The following SLAMF9 variants were observed in gnomAD, a reference collection of about 807,000 sequenced individuals.
SLAMF9 encodes SLAM family member 9, also known as CD2 family member 10.
In SLAMF9, 25 loss-of-function variants were observed where a neutral mutation model predicts 30.4. That is an observed-to-expected ratio of 0.82 (90% CI 0.60 to 1.15). The LOEUF (loss-of-function observed/expected upper bound fraction) is 1.15, where lower values mean the gene tolerates loss of function less well. SLAMF9 is among the 50% of genes most tolerant of loss of function. The pLI, the probability that SLAMF9 is intolerant of heterozygous loss-of-function variation, is 0.00. For synonymous variants in SLAMF9, 129 were observed against 127.2 expected (o/e 1.01, Z -0.09); for missense variants, 344 against 346.1 (o/e 0.99, Z 0.05).
At chr1:159,957,207 G>A (rs1445928113), upstream of SLAMF9, among the ~76,000 whole-genome samples, 1 of 151,800 alleles carries the variant, frequency 6.6e-6, no homozygotes, top group Non-Finnish European at 1.5e-5. Context: ...CTGTGGGAGG[G>A]GTGGGGATTG....
chr1:159,974,177 C>T, the SLAMF9 span: 2 of 741,174 alleles, frequency 2.7e-6, no homozygotes, highest in South Asian at 3.5e-5. Flanking sequence ...TTGGATGGTA[C>T]CGGTGCAGTG....
Position 159,951,765 on chromosome 1 carries a change from C to T in SLAMF9, c.766G>A (p.Val256Ile). 6.2e-7 allele frequency: 1 copy of T among 1,614,036 alleles called. No homozygotes were observed. The highest frequency in any genetic ancestry group is 8.5e-7 in the Non-Finnish European group (1 of 1,179,956). The change falls in exon 4 of 4, where the codon GTC (valine) becomes ATC (isoleucine). Residue 256 changes from valine to isoleucine, a missense_variant. Physicochemically the swap from Val to Ile is conservative, Grantham distance 29. Transcript: ENST00000368093. ...TTGTGTCTTTTCTGGACTCGGATGA[C>T]CCAGAGTCCCATGGCCAGAATTACC... ...LLVILAMGLW[V>I]IRVQKRHKMP...
At chr1:159,954,019 G>T in intron 1 of SLAMF9, 73 bp downstream of exon 1, 1 of 1,568,438 alleles carries the variant, frequency 6.4e-7, no homozygotes, top group Non-Finnish European at 8.8e-7. Context: ...GGTCTTACTG[G>T]CCCAGACCCA....
Position 159,953,595 on chromosome 1 carries a change from C to T in SLAMF9, c.105G>A (p.Gln35=). 1.2e-6 allele frequency: 2 copies of T among 1,613,190 alleles called. No homozygotes were observed. The highest frequency in any genetic ancestry group is 1.7e-6 in the Non-Finnish European group (2 of 1,179,546). The change falls in exon 2 of 4, where the codon CAG becomes CAA. Residue 35 remains glutamine (Q), a synonymous_variant. Transcript: ENST00000368093. The stretch of plus-strand genomic sequence containing the variant: ...TTTCCAGGGGGAGGCTGATGGACTC[C>T]TGAAGGACCGCAACCACTTCCTCGG... ...CGSEEVVAVL[Q]ESISLPLEIP...
At chr1:159,974,731 TC>T in the SLAMF9 span, among the ~76,000 whole-genome samples, 2 of 152,158 alleles carry the variant, frequency 1.3e-5, no homozygotes, top group Admixed American at 6.5e-5. Flanking sequence ...CAAGGGTCTC[TC>T]CCCAGGTATG....
At chr1:159,957,198 T>G (rs1651941713), upstream of SLAMF9, among the ~76,000 whole-genome samples, 1 of 144,690 alleles carries the variant, frequency 6.9e-6, no homozygotes, top group African/African-American at 2.6e-5. Context: ...TACCAGAAGC[T>G]GTGGGAGGGG....
At chr1:159,973,567 G>A in the SLAMF9 span, among the ~76,000 whole-genome samples, 2 of 152,156 alleles carry the variant, frequency 1.3e-5, no homozygotes, top group African/African-American at 2.4e-5. Flanking sequence ...GCTTTTCCCA[G>A]TGCCCCACTC....
the SLAMF9 span, chr1:159,983,198 C>T: frequency 6.6e-6 from 1 of 152,232 alleles, no homozygotes; most frequent in African/African-American, 2.4e-5. Flanking sequence ...GGCCAATTAG[C>T]AACATGTGTC....
chr1:159,974,912 G>C, the SLAMF9 span, among the ~76,000 whole-genome samples: 3 of 152,114 alleles, frequency 2.0e-5, no homozygotes, highest in Non-Finnish European at 2.9e-5. Flanking sequence ...TGGACCATAG[G>C]CACCTTCCAT....
At chr1:159,965,300 G>A in the SLAMF9 span, among the ~76,000 whole-genome samples, 1 of 152,186 alleles carries the variant, frequency 6.6e-6, no homozygotes, top group Non-Finnish European at 1.5e-5. Context: ...AACACCAAGG[G>A]ATGGGGGCAA....
the SLAMF9 span, among the ~76,000 whole-genome samples, chr1:159,977,911 C>T: frequency 6.6e-6 from 1 of 152,160 alleles, no homozygotes; most frequent in Non-Finnish European, 1.5e-5. Flanking sequence ...TCACAGGGAC[C>T]TGCCATGGGG....
chr1:159,977,687 G>T, the SLAMF9 span, among the ~76,000 whole-genome samples: 1 of 152,156 alleles, frequency 6.6e-6, no homozygotes, highest in Non-Finnish European at 1.5e-5. Flanking sequence ...GGACCCTGAG[G>T]CTTTCTCGCC....
At chr1:159,960,199 T>C in the SLAMF9 span, among the ~76,000 whole-genome samples, 1 of 122,782 alleles carries the variant, frequency 8.1e-6, no homozygotes, top group African/African-American at 3.1e-5. Flanking sequence ...CGGTGTGTGA[T>C]GTTCCCCATC....
chr1:159,951,746 C>G lies in SLAMF9; in HGVS notation c.785G>C (p.Arg262Thr). 2 of 1,614,142 alleles carry G rather than the reference C, an allele frequency of 1.2e-6. No individual in the cohort carries two copies. The highest frequency in any genetic ancestry group is 1.6e-4 in the Middle Eastern group (1 of 6,062). ...MGLWVIRVQK[R>T]HKMPRMKKLM... ...TTTCTTCATCCTTGGCATTTTGTGTCTTTTCTGGACTCGGATGACCCAGAG... is the reference window on the plus strand; with the variant it reads ...TTTCTTCATCCTTGGCATTTTGTGTGTTTTCTGGACTCGGATGACCCAGAG... The change falls in exon 4 of 4, where the codon AGA becomes ACA. Residue 262 changes from arginine (R) to threonine (T), a missense_variant. Physicochemically the swap from Arg to Thr is moderately conservative, Grantham distance 71 (BLOSUM62 -1). Coordinates refer to ENST00000368093, the MANE Select transcript of SLAMF9 (RefSeq NM_033438.4).
At chr1:159,968,819 G>A in the SLAMF9 span, among the ~76,000 whole-genome samples, 1 of 152,222 alleles carries the variant, frequency 6.6e-6, no homozygotes, top group African/African-American at 2.4e-5. Context: ...GGGAGGCCAA[G>A]GCAGGTGGAT....
At chr1:159,975,033 C>T in the SLAMF9 span, among the ~76,000 whole-genome samples, 1 of 152,158 alleles carries the variant, frequency 6.6e-6, no homozygotes, top group Non-Finnish European at 1.5e-5. Flanking sequence ...CAAGTGTGGT[C>T]TGAACTCCTT....
the SLAMF9 span, among the ~76,000 whole-genome samples, chr1:159,968,614 T>C: frequency 3.9e-5 from 6 of 152,202 alleles, no homozygotes; most frequent in Non-Finnish European, 8.8e-5. Flanking sequence ...ACCTTGAACA[T>C]TGAAGGTGGC....
Position 159,952,341 on chromosome 1 carries a change from G to A in SLAMF9, c.585C>T (p.Ala195=), listed in dbSNP as rs1651777523. The A allele has an allele frequency of 6.2e-7, 1 of 1,613,966 alleles. No homozygotes were observed. The highest frequency in any genetic ancestry group is 1.1e-5 in the South Asian group (1 of 91,086). ...TGTTGGCTCTGCAGGTGTAGGAGAGGGCACTGTCCCCCGGCCTCCAGGATG... is the reference window on the plus strand; with the variant it reads ...TGTTGGCTCTGCAGGTGTAGGAGAGAGCACTGTCCCCCGGCCTCCAGGATG... ...LSTSWRPGDS[A]LSYTCRANNP... Residue 195 remains alanine, a synonymous_variant, in exon 3 of 4, where the codon GCC becomes GCT. Coordinates refer to ENST00000368093, the MANE Select transcript of SLAMF9 (RefSeq NM_033438.4).
chr1:159,964,170 C>G, the SLAMF9 span, among the ~76,000 whole-genome samples: 3 of 152,176 alleles, frequency 2.0e-5, no homozygotes, highest in African/African-American at 7.2e-5. Flanking sequence ...TCAAGGTCCC[C>G]CAGTGATTCT....
Sources: allele counts gnomAD v4.1 joint callset (sites outside exome capture counted in the v4.1 genomes callset), GRCh38; gene constraint gnomAD v4.1.1; transcripts MANE v1.5; gene names NCBI Gene and HGNC (gene_info 2026-07-23, HGNC 2026-07-21).